ARHGAP24: variants seen among roughly 807,000 people sequenced by gnomAD.
The protein encoded by ARHGAP24 is rho GTPase-activating protein 24.
ARHGAP24 carries 50 observed loss-of-function variants against 76.4 expected under a neutral mutation model. The observed-to-expected ratio is 0.65, with a 90% CI of 0.52 to 0.83. The LOEUF (loss-of-function observed/expected upper bound fraction) is 0.83, where lower values mean the gene tolerates loss of function less well. Ranked by LOEUF, ARHGAP24 falls within the 40% of genes least tolerant of loss-of-function variation. The pLI, the probability that ARHGAP24 is intolerant of heterozygous loss-of-function variation, is 0.00. For missense variants in ARHGAP24, 930 were observed against 914.2 expected, an observed-to-expected ratio of 1.02 and a Z score of -0.22; for synonymous variants, 345 against 323.3, an observed-to-expected ratio of 1.07 and a Z score of -0.72.
chr4:85,508,871 G>A (rs1456893277), intron 1 of ARHGAP24, among the ~76,000 whole-genome samples: 1 of 151,876 alleles, frequency 6.6e-6, no homozygotes, highest in Non-Finnish European at 1.5e-5. Context: ...CACATTCCAA[G>A]GTCTCTCTTA....
At chr4:85,853,955 C>CA (rs138354345) in intron 3 of ARHGAP24, among the ~76,000 whole-genome samples, 21,123 of 142,836 alleles carry the variant, frequency 0.15, 1,655 homozygotes, top group African/African-American at 0.21. Flanking sequence ...CGGTCAAAAA[C>CA]AAAAAACAAA....
At chr4:85,493,159 C>T (rs1033278609) in intron 1 of ARHGAP24, among the ~76,000 whole-genome samples, 6 of 152,210 alleles carry the variant, frequency 3.9e-5, no homozygotes, top group Non-Finnish European at 7.3e-5. Flanking sequence ...CTAAATACTA[C>T]TGATGTTAAC....
intron 1 of ARHGAP24, among the ~76,000 whole-genome samples, chr4:85,564,970 A>AT (rs1553914962): frequency 1.5e-4 from 18 of 116,486 alleles, no homozygotes; most frequent in African/African-American, 5.7e-4. Flanking sequence ...ATATATATAT[A>AT]CCCACACCCA....
At chr4:85,626,843 T>A (rs1720972448) in intron 2 of ARHGAP24, among the ~76,000 whole-genome samples, 1 of 152,218 alleles carries the variant, frequency 6.6e-6, no homozygotes, top group Non-Finnish European at 1.5e-5. Flanking sequence ...CCATCACTGA[T>A]ACTCTTTCTT....
chr4:85,505,227 T>C (rs1377811127), intron 1 of ARHGAP24, among the ~76,000 whole-genome samples: 3 of 152,180 alleles, frequency 2.0e-5, no homozygotes, highest in Admixed American at 6.5e-5. Context: ...AGGAGTATCT[T>C]TGTGGTGTTC....
chr4:85,802,737 G>A (rs1728631415), intron 3 of ARHGAP24, among the ~76,000 whole-genome samples: 1 of 152,206 alleles, frequency 6.6e-6, no homozygotes, highest in African/African-American at 2.4e-5. Context: ...GTTGTGGTGA[G>A]CTGAGACCGC....
chr4:85,938,366 T>A (rs1560731457), intron 4 of ARHGAP24, among the ~76,000 whole-genome samples: 2 of 152,202 alleles, frequency 1.3e-5, no homozygotes, highest in South Asian at 4.1e-4. Flanking sequence ...TTGTAAATAG[T>A]GTGTCTTTTC....
rs35138716 is a variant in ARHGAP24 at position 85,495,341 on chromosome 4, ATTTTTTT to A, written c.-21+19803_-21+19809del. On this transcript the variant is annotated intron_variant, in intron 1 of 9. Transcript: ENST00000395184. The stretch of plus-strand genomic sequence containing the variant: ...AGTCAAGTAAGTACAGAAGTACAGA[ATTTTTTT>A]TTTTTTTTTTTTTTTTTTTTGAGAT... 1.8e-3 allele frequency among the ~76,000 whole-genome samples: 98 copies of A among 53,122 alleles called. 1 individual carries two copies. Among genetic ancestry groups the A allele is most frequent in the African/African-American group, 5.5e-3 (88 of 15,918 alleles). 34.9% of individuals were successfully genotyped at this position (53,122 alleles called of 152,430 possible). A position where few individuals can be genotyped will look rare whatever the true frequency, so the allele number is the denominator to read the frequency against.
At chr4:85,504,787 G>A (rs1296884831) in intron 1 of ARHGAP24, among the ~76,000 whole-genome samples, 1 of 152,164 alleles carries the variant, frequency 6.6e-6, no homozygotes, top group Admixed American at 6.5e-5. Context: ...TATTTTGCCT[G>A]TTAATTGATG....
chr4:85,832,014 A>G (rs947690715), intron 3 of ARHGAP24, among the ~76,000 whole-genome samples: 1 of 151,816 alleles, frequency 6.6e-6, no homozygotes, highest in Non-Finnish European at 1.5e-5. Flanking sequence ...ATAGATTAGG[A>G]GGTGATTGTT....
At chr4:85,763,843 C>G (rs1726827049) in intron 3 of ARHGAP24, among the ~76,000 whole-genome samples, 1 of 151,990 alleles carries the variant, frequency 6.6e-6, no homozygotes, top group Non-Finnish European at 1.5e-5. Context: ...TGCTTTCTTA[C>G]CAGGCATACA....
At chr4:85,753,660 A>C (rs1165604091) in intron 3 of ARHGAP24, among the ~76,000 whole-genome samples, 1 of 152,230 alleles carries the variant, frequency 6.6e-6, no homozygotes, top group Admixed American at 6.5e-5. Context: ...GGTTTTGAAA[A>C]GAGGAATGCT....
intron 5 of ARHGAP24, among the ~76,000 whole-genome samples, chr4:85,964,951 C>T (rs1738489828): frequency 6.6e-6 from 1 of 151,964 alleles, no homozygotes; most frequent in Admixed American, 6.6e-5. Context: ...ATTCTTTGTA[C>T]ATGATAAACT....
In ARHGAP24 at chr4:85,920,059, G is replaced by A. The variant is rs191247464; in HGVS notation, c.269-3589G>A. ...TTTTAATGTGCTTTGGTGTGCATAT[G>A]TGTATCAAGAAAGATAACACTTTTA... On this transcript the variant is annotated intron_variant, in intron 3 of 9. Coordinates refer to ENST00000395184, the MANE Select transcript of ARHGAP24 (RefSeq NM_001025616.3). Among the ~76,000 whole-genome samples the A allele has an allele frequency of 1.7e-3, 255 of 152,294 alleles. 3 individuals are homozygous for A. The highest frequency in any genetic ancestry group is 5.7e-3 in the African/African-American group (237 of 41,570).
chr4:85,706,360 C>T (rs1169348914), intron 2 of ARHGAP24, among the ~76,000 whole-genome samples: 1 of 152,016 alleles, frequency 6.6e-6, no homozygotes, highest in Non-Finnish European at 1.5e-5. Context: ...TAGCTAAGAA[C>T]TGATAATGTA....
intron 3 of ARHGAP24, among the ~76,000 whole-genome samples, chr4:85,838,781 T>A (rs1451872758): frequency 6.6e-6 from 1 of 151,686 alleles, no homozygotes; most frequent in South Asian, 2.1e-4. Flanking sequence ...ACACCTTCCC[T>A]CCCCCACTAA....
chr4:85,680,398 T>C (rs965939192), intron 2 of ARHGAP24, among the ~76,000 whole-genome samples: 1 of 152,186 alleles, frequency 6.6e-6, no homozygotes, highest in African/African-American at 2.4e-5. Flanking sequence ...ATTGCAGATG[T>C]GAAAACGACT....
chr4:85,852,679 G>C (rs190111054), intron 3 of ARHGAP24, among the ~76,000 whole-genome samples: 1 of 152,324 alleles, frequency 6.6e-6, no homozygotes, highest in East Asian at 1.9e-4. Flanking sequence ...ATTCCTTTCT[G>C]TTTGTTAGTT....
At chr4:85,759,420 A>G (rs2110071984) in intron 3 of ARHGAP24, among the ~76,000 whole-genome samples, 1 of 152,316 alleles carries the variant, frequency 6.6e-6, no homozygotes, top group South Asian at 2.1e-4. Context: ...GCTAGCAAAA[A>G]GGAAGAGAAT....
Sources: allele counts gnomAD v4.1 joint callset (sites outside exome capture counted in the v4.1 genomes callset), GRCh38; gene constraint gnomAD v4.1.1; transcripts MANE v1.5; gene names NCBI Gene and HGNC (gene_info 2026-07-23, HGNC 2026-07-21).